ARL6: variants seen among roughly 807,000 people sequenced by gnomAD.
The protein encoded by ARL6 is ARF like GTPase 6, also known as ADP-ribosylation factor-like protein 6.
In ARL6, 18 loss-of-function variants were observed where a neutral mutation model predicts 27.1. That is an observed-to-expected ratio of 0.66 (90% CI 0.46 to 0.98). The LOEUF (loss-of-function observed/expected upper bound fraction) is 0.98, where lower values mean the gene tolerates loss of function less well. ARL6 is among the 50% of genes least tolerant of loss of function. ARL6 has a pLI of 0.00. For missense variants in ARL6, 187 were observed against 214.9 expected (o/e 0.87, Z 0.81); for synonymous variants, 65 against 72.3 (o/e 0.90, Z 0.51).
chr3:97,792,011 T>A lies in ARL6; in HGVS notation c.535+185T>A. 5 of 580,478 alleles carry A rather than the reference T, an allele frequency of 8.6e-6. No homozygotes were observed. The South Asian group carries it at 9.2e-5, about 11-fold the overall frequency. The allele number at this position is 580,478 out of a possible 1,614,324, so 36.0% of individuals were successfully genotyped here. On this transcript the variant is annotated intron_variant, in intron 7 of 7. Transcript: ENST00000463745. The stretch of plus-strand genomic sequence containing the variant: ...TCCATTTACTTCTATCACATATTGC[T>A]AAAGGATTTATTTACATAAAGTGTT...
chr3:97,792,622 T>C (rs1202569721), intron 7 of ARL6, among the ~76,000 whole-genome samples: 1 of 152,228 alleles, frequency 6.6e-6, no homozygotes, highest in African/African-American at 2.4e-5. Context: ...GCAGTTCTGG[T>C]TGCTATTCAT....
At chr3:97,773,334 G>A (rs996576884) in intron 2 of ARL6, among the ~76,000 whole-genome samples, 2 of 152,190 alleles carry the variant, frequency 1.3e-5, no homozygotes, top group Admixed American at 1.3e-4. Context: ...TACTCAGCCA[G>A]ATTAAGGGTG....
rs1169056695 is a variant in ARL6, at chr3:97,799,609, A to G, written c.*1560A>G. ...GAATTCAAATCCTCACTCACTTACC[A>G]TAAGGTAGTAATAAAATTAATAATA... On this transcript the variant is annotated 3_prime_UTR_variant, in exon 8 of 8. Transcript: ENST00000463745. 2.6e-5 allele frequency: 4 copies of G among 152,162 alleles called. No homozygotes were observed. The highest frequency in any genetic ancestry group is 9.6e-5 in the African/African-American group (4 of 41,456). 9.4% of individuals were successfully genotyped at this position (152,162 alleles called of 1,614,324 possible). A position where few individuals can be genotyped will look rare whatever the true frequency, so the allele number is the denominator to read the frequency against.
intron 1 of ARL6, among the ~76,000 whole-genome samples, chr3:97,766,855 G>A (rs2036403830): frequency 6.6e-6 from 1 of 152,116 alleles, no homozygotes; most frequent in South Asian, 2.1e-4. Flanking sequence ...TTGGTACATA[G>A]ATATATTGTA....
chr3:97,778,604 A>C (rs113825122), intron 2 of ARL6, among the ~76,000 whole-genome samples: 2 of 152,282 alleles, frequency 1.3e-5, no homozygotes, highest in Middle Eastern at 3.4e-3. Flanking sequence ...ACAATATGGG[A>C]AGAATTGGGG....
chr3:97,793,281 G>T (rs2037833283), intron 7 of ARL6: 1 of 152,128 alleles, frequency 6.6e-6, no homozygotes, highest in South Asian at 2.1e-4. Context: ...AAGAACTACG[G>T]GATTTTTCTG....
intron 7 of ARL6, among the ~76,000 whole-genome samples, chr3:97,797,264 A>G (rs926018004): frequency 6.6e-5 from 10 of 152,174 alleles, no homozygotes; most frequent in Admixed American, 1.3e-4. Context: ...TAAAGGTTTA[A>G]ACTCTGGGAG....
chr3:97,793,407 G>GT (rs1559693119), intron 7 of ARL6: 1 of 152,146 alleles, frequency 6.6e-6, no homozygotes, highest in Non-Finnish European at 1.5e-5. Context: ...CCAGGAGTAT[G>GT]TTTTCAGCCT....
At chr3:97,772,446 T>C (rs2036681244) in intron 2 of ARL6, among the ~76,000 whole-genome samples, 2 of 152,030 alleles carry the variant, frequency 1.3e-5, no homozygotes, top group South Asian at 2.1e-4. Flanking sequence ...CTCAATTTTA[T>C]AATTTCAAAA....
At chr3:97,795,314 T>A (rs1047815632) in intron 7 of ARL6, among the ~76,000 whole-genome samples, 1 of 152,166 alleles carries the variant, frequency 6.6e-6, no homozygotes, top group African/African-American at 2.4e-5. Context: ...TAGGTACTTT[T>A]AAAAAGAAAT....
intron 2 of ARL6, among the ~76,000 whole-genome samples, chr3:97,773,594 A>G (rs915770359): frequency 6.6e-6 from 1 of 152,226 alleles, no homozygotes; most frequent in Non-Finnish European, 1.5e-5. Context: ...GAAATATACC[A>G]ATCCCCAACC....
chr3:97,788,887 C>T (rs2037589247), intron 6 of ARL6, among the ~76,000 whole-genome samples: 1 of 152,108 alleles, frequency 6.6e-6, no homozygotes, highest in African/African-American at 2.4e-5. Context: ...ATCTTAAACT[C>T]CCTTCTACCC....
chr3:97,794,177 TTGTG>T (rs370867493), intron 7 of ARL6, among the ~76,000 whole-genome samples: 98 of 137,468 alleles, frequency 7.1e-4, no homozygotes, highest in Middle Eastern at 3.6e-3. Flanking sequence ...TTTCTTTCTT[TTGTG>T]TGTGTGTGTG....
chr3:97,788,190 A>G, intron 6 of ARL6, 71 bp downstream of exon 6: 1 of 1,503,760 alleles, frequency 6.6e-7, no homozygotes, highest in African/African-American at 1.4e-5. Flanking sequence ...GTTTCTTCTG[A>G]TCTCATTTTT....
intron 1 of ARL6, among the ~76,000 whole-genome samples, chr3:97,767,256 T>C (rs1036945110): frequency 2.6e-5 from 4 of 152,276 alleles, no homozygotes; most frequent in African/African-American, 7.2e-5. Flanking sequence ...CTACAATCAG[T>C]ATTTACTTCC....
chr3:97,765,209 GGGGTGTGTGTGTGTGTGT>G (rs1438753476), intron 1 of ARL6, among the ~76,000 whole-genome samples: 30 of 128,048 alleles, frequency 2.3e-4, no homozygotes, highest in Non-Finnish European at 4.4e-4. Flanking sequence ...CCGTGTATTG[GGGGTGTGTGTGTGTGTGT>G]GTGTGTGTGT....
intron 2 of ARL6, among the ~76,000 whole-genome samples, chr3:97,770,845 T>C (rs979478126): frequency 1.3e-5 from 2 of 152,098 alleles, no homozygotes; most frequent in Non-Finnish European, 2.9e-5. Flanking sequence ...CATGGATTTA[T>C]TTCTGGCTTC....
chr3:97,796,209 G>A (rs1174202907), intron 7 of ARL6, among the ~76,000 whole-genome samples: 1 of 152,070 alleles, frequency 6.6e-6, no homozygotes, highest in Non-Finnish European at 1.5e-5. Context: ...AAGAAAAGTG[G>A]GTTCGAGTAA....
chr3:97,788,263 C>T (rs2037556763), intron 6 of ARL6, 144 bp downstream of exon 6: 1 of 927,360 alleles, frequency 1.1e-6, no homozygotes, highest in South Asian at 1.8e-5. Context: ...AGAATTGTGG[C>T]ATTGTAGGTT....
Sources: gnomAD v4.1 joint callset for allele counts (sites outside exome capture counted in the v4.1 genomes callset) on GRCh38, gnomAD v4.1.1 for gene constraint, MANE v1.5 for transcripts, NCBI Gene and HGNC (gene_info 2026-07-23, HGNC 2026-07-21) for gene names.